Variants in ATRNL1 observed in about 807,000 individuals in gnomAD.
The protein encoded by ATRNL1 is attractin like 1, also known as attractin-like protein 1.
Under a neutral mutation model 182.7 loss-of-function variants are expected in ATRNL1, and 95 were observed. That is an observed-to-expected ratio of 0.52 (90% confidence interval 0.44 to 0.62). The LOEUF is 0.62. Ranked by LOEUF, ATRNL1 falls within the 20% of genes least tolerant of loss-of-function variation. The pLI is 0.00. For synonymous variants in ATRNL1, 576 were observed against 568.3 expected, an observed-to-expected ratio of 1.01 and a Z score of -0.19; for missense variants, 1,471 against 1,679.5, an observed-to-expected ratio of 0.88 and a Z score of 2.17.
chr10:115,545,352 A>T (rs1852593543), intron 25 of ATRNL1, among the ~76,000 whole-genome samples: 1 of 151,938 alleles, frequency 6.6e-6, no homozygotes, highest in South Asian at 2.1e-4. Context: ...ACTGGAGATT[A>T]TGAGAATATT....
At chr10:115,142,735 A>G (rs901162663) in intron 5 of ATRNL1, among the ~76,000 whole-genome samples, 6 of 152,138 alleles carry the variant, frequency 3.9e-5, no homozygotes, top group Admixed American at 3.9e-4. Flanking sequence ...GATGATGATG[A>G]TGGTAGCTTG....
chr10:115,712,766 G>A (rs1025074961), intron 26 of ATRNL1, among the ~76,000 whole-genome samples: 1 of 151,908 alleles, frequency 6.6e-6, no homozygotes, highest in Non-Finnish European at 1.5e-5. Context: ...TACTCAGGAG[G>A]CTGAGGCACG....
Position 115,727,224 on chromosome 10 carries a change from T to C in ATRNL1, c.3796-24T>C, listed in dbSNP as rs373603123. On this transcript the variant is annotated intron_variant, in intron 26 of 28. Coordinates refer to ENST00000355044, the MANE Select transcript of ATRNL1 (RefSeq NM_207303.4). ...ATGTGCTTTTAAACCTATTTTAAGA[T>C]AAATCATTTTTAACCCCCTCCAGCA... 1.1e-4 allele frequency: 172 copies of C among 1,537,528 alleles called. No individual in the cohort carries two copies. The Middle Eastern group carries it at 1.3e-3, about 12-fold the overall frequency.
At chr10:115,645,563 A>G (rs1457726980) in intron 26 of ATRNL1, among the ~76,000 whole-genome samples, 1 of 151,082 alleles carries the variant, frequency 6.6e-6, no homozygotes, top group African/African-American at 2.4e-5. Context: ...TGCATATAAA[A>G]GCACTACAGA....
rs150626457 is a variant in ATRNL1, at chr10:115,926,829, G to A, written c.4019-17829G>A. 3.3e-3 allele frequency among the ~76,000 whole-genome samples: 502 copies of A among 152,090 alleles called. 2 individuals are homozygous for A. Among genetic ancestry groups the A allele is most frequent in the Non-Finnish European group, 4.9e-3 (332 of 67,976 alleles). On this transcript the variant is annotated intron_variant, in intron 28 of 28. Transcript: ENST00000355044. ...GGATTCACAGCCAAATTCTACCAGA[G>A]GTACAAAGAGGGTTTCAGAAGATAC...
At chr10:115,280,196 C>A (rs1852295055) in intron 13 of ATRNL1, among the ~76,000 whole-genome samples, 1 of 152,144 alleles carries the variant, frequency 6.6e-6, no homozygotes, top group Non-Finnish European at 1.5e-5. Context: ...AAAAGCCTAA[C>A]CCTGTACAAA....
intron 20 of ATRNL1, among the ~76,000 whole-genome samples, chr10:115,397,759 G>A (rs1474775840): frequency 2.0e-5 from 3 of 151,888 alleles, no homozygotes; most frequent in Non-Finnish European, 2.9e-5. Flanking sequence ...TAGCATTTCC[G>A]GTCTTTGCTC....
chr10:115,887,295 AAATATTAC>A (rs1951970014), intron 28 of ATRNL1, among the ~76,000 whole-genome samples: 1 of 145,046 alleles, frequency 6.9e-6, no homozygotes, highest in African/African-American at 2.9e-5. Context: ...TGCTATTACA[AAATATTAC>A]AAAATATCAT....
At chr10:115,116,984 C>T (rs1322501665) in intron 1 of ATRNL1, among the ~76,000 whole-genome samples, 3 of 151,952 alleles carry the variant, frequency 2.0e-5, no homozygotes, top group Non-Finnish European at 4.4e-5. Flanking sequence ...ACAGTTCCTT[C>T]ACATCACTTA....
At chr10:115,513,923 G>C (rs1274118291) in intron 24 of ATRNL1, among the ~76,000 whole-genome samples, 8 of 151,908 alleles carry the variant, frequency 5.3e-5, no homozygotes, top group East Asian at 1.9e-4. Flanking sequence ...CTTGTGCTGA[G>C]TCTACATTTA....
chr10:115,307,784 G>A (rs1853807270), intron 17 of ATRNL1, among the ~76,000 whole-genome samples: 2 of 152,128 alleles, frequency 1.3e-5, no homozygotes, highest in Admixed American at 1.3e-4. Context: ...ATAGGGACTA[G>A]GAGTAAAATG....
chr10:115,911,309 TTTTA>T (rs374633841), intron 28 of ATRNL1, among the ~76,000 whole-genome samples: 6 of 151,686 alleles, frequency 4.0e-5, no homozygotes, highest in African/African-American at 1.5e-4. Flanking sequence ...CTAAAACCTA[TTTTA>T]TTTATTTATT....
chr10:115,822,820 A>T (rs1950335860), intron 27 of ATRNL1, among the ~76,000 whole-genome samples: 1 of 152,194 alleles, frequency 6.6e-6, no homozygotes, highest in Admixed American at 6.5e-5. Context: ...GCCCAGGACC[A>T]GATGGGTTCA....
At chr10:115,636,416 C>A (rs1168424317) in intron 26 of ATRNL1, among the ~76,000 whole-genome samples, 1 of 152,128 alleles carries the variant, frequency 6.6e-6, no homozygotes, top group Non-Finnish European at 1.5e-5. Context: ...TGCAGAGGCA[C>A]CAAATGTACT....
intron 21 of ATRNL1, among the ~76,000 whole-genome samples, chr10:115,443,227 A>T (rs1554966085): frequency 6.6e-6 from 1 of 152,072 alleles, no homozygotes; most frequent in South Asian, 2.1e-4. Flanking sequence ...TCTGTTGATG[A>T]TTTATAGTGA....
chr10:115,103,620 CCTTT>C (rs1843876884), intron 1 of ATRNL1, among the ~76,000 whole-genome samples: 1 of 152,114 alleles, frequency 6.6e-6, no homozygotes, highest in South Asian at 2.1e-4. Context: ...AAGCATTTAT[CCTTT>C]CTTTGTGTTA....
chr10:115,374,711 A>C (rs1857581513), intron 19 of ATRNL1, among the ~76,000 whole-genome samples: 1 of 151,856 alleles, frequency 6.6e-6, no homozygotes, highest in African/African-American at 2.4e-5. Context: ...GACATATTTA[A>C]GTTTCTCATT....
At chr10:115,884,553 G>C (rs1167163129) in intron 28 of ATRNL1, among the ~76,000 whole-genome samples, 3 of 152,128 alleles carry the variant, frequency 2.0e-5, no homozygotes, top group African/African-American at 7.2e-5. Context: ...ATATTATGGG[G>C]AATCGTTAAT....
chr10:115,132,011 A>G (rs1185955122), intron 5 of ATRNL1, among the ~76,000 whole-genome samples: 2 of 152,026 alleles, frequency 1.3e-5, no homozygotes, highest in Non-Finnish European at 2.9e-5. Context: ...TACATGTGCC[A>G]TGTTGGGGTG....
Sources: gnomAD v4.1 joint callset for allele counts (sites outside exome capture counted in the v4.1 genomes callset) on GRCh38, gnomAD v4.1.1 for gene constraint, MANE v1.5 for transcripts, NCBI Gene and HGNC (gene_info 2026-07-23, HGNC 2026-07-21) for gene names.